Variants in DYTN observed in about 807,000 individuals in gnomAD.
The protein encoded by DYTN is dystrotelin.
A neutral mutation model predicts 69.6 loss-of-function variants in DYTN; 75 were observed. The observed-to-expected ratio is 1.08, with a 90% CI of 0.89 to 1.31. The LOEUF (loss-of-function observed/expected upper bound fraction) is 1.31. Among genes scored for constraint, DYTN ranks in the 50% most tolerant of loss-of-function variants. The pLI, the probability that DYTN is intolerant of heterozygous loss-of-function variation, is 0.00. For missense variants in DYTN, 726 were observed against 688.4 expected (o/e 1.05, Z -0.61); for synonymous variants, 252 against 249.1 (o/e 1.01, Z -0.11).
chr2:206,687,717 A>C (rs1473272764), intron 9 of DYTN, among the ~76,000 whole-genome samples: 1 of 152,082 alleles, frequency 6.6e-6, no homozygotes, highest in Non-Finnish European at 1.5e-5. Flanking sequence ...TTCCTTTCAG[A>C]TGGATAGCCA....
chr2:206,715,366 G>T (rs1700116832), intron 1 of DYTN, among the ~76,000 whole-genome samples: 2 of 152,086 alleles, frequency 1.3e-5, no homozygotes, highest in Non-Finnish European at 2.9e-5. Context: ...GATGACTTAG[G>T]GACGGCAGCT....
At chr2:206,703,100 C>T (rs1439853994) in intron 5 of DYTN, among the ~76,000 whole-genome samples, 4 of 152,030 alleles carry the variant, frequency 2.6e-5, no homozygotes, top group Admixed American at 1.3e-4. Context: ...GCCTGGGGTG[C>T]GGGTAGGGGC....
intron 1 of DYTN, among the ~76,000 whole-genome samples, chr2:206,714,472 G>T (rs1167046673): frequency 6.6e-6 from 1 of 152,230 alleles, no homozygotes; most frequent in Non-Finnish European, 1.5e-5. Flanking sequence ...AAAGTGCTGG[G>T]ATTACAGGCG....
intron 9 of DYTN, among the ~76,000 whole-genome samples, chr2:206,672,566 T>A (rs1699641266): frequency 6.6e-6 from 1 of 152,154 alleles, no homozygotes; most frequent in East Asian, 1.9e-4. Context: ...AGCTGATGAG[T>A]AAAATGCAGA....
intron 9 of DYTN, among the ~76,000 whole-genome samples, chr2:206,666,860 TACACAC>T (rs35200393): frequency 0.17 from 23,700 of 137,376 alleles, 2,506 homozygotes; most frequent in African/African-American, 0.31. Flanking sequence ...ACCTCATCTC[TACACAC>T]ACACACACAC....
intron 9 of DYTN, among the ~76,000 whole-genome samples, chr2:206,692,392 A>G (rs569057946): frequency 3.2e-4 from 49 of 152,262 alleles, no homozygotes; most frequent in Non-Finnish European, 6.2e-4. Context: ...GTGATCAGGT[A>G]TGTGATGCAT....
At chr2:206,711,557 T>TC (rs1700078212) in intron 1 of DYTN, among the ~76,000 whole-genome samples, 1 of 151,948 alleles carries the variant, frequency 6.6e-6, no homozygotes, top group South Asian at 2.1e-4. Context: ...CCTTTCTTTT[T>TC]TTTGTTGTTG....
At chr2:206,717,595 A>G (rs545572072) in intron 1 of DYTN, among the ~76,000 whole-genome samples, 1 of 152,358 alleles carries the variant, frequency 6.6e-6, no homozygotes, top group South Asian at 2.1e-4. Flanking sequence ...TTAATATGAG[A>G]GCCCAAATTT....
In DYTN at chr2:206,706,246, C is replaced by T. The variant is rs187893035; in HGVS notation, c.297-373G>A. Among the ~76,000 whole-genome samples the T allele has an allele frequency of 5.3e-5, 8 of 151,834 alleles. No individual in the cohort carries two copies. The East Asian group carries it at 1.6e-3, about 29-fold the overall frequency. On this transcript the variant is annotated intron_variant, in intron 3 of 11. Coordinates refer to ENST00000452335, the MANE Select transcript of DYTN (RefSeq NM_001093730.1). The stretch of plus-strand genomic sequence containing the variant: ...AGATAAGGAAGGACCAAAAGGCAGG[C>T]ACAGGAACAAATATTTATGCAAAGA...
chr2:206,666,970 A>G (rs992180483), intron 9 of DYTN, among the ~76,000 whole-genome samples: 3 of 152,138 alleles, frequency 2.0e-5, no homozygotes, highest in Non-Finnish European at 4.4e-5. Flanking sequence ...ACTTGAGCCC[A>G]GGAGTTAGAG....
chr2:206,694,572 A>T (rs78031420), intron 8 of DYTN, among the ~76,000 whole-genome samples, 194 bp downstream of exon 8: 3,014 of 152,294 alleles, frequency 0.02, 73 homozygotes, highest in Non-Finnish European at 0.025. Context: ...ACTTCCACTG[A>T]GACATACAAT....
At chr2:206,699,941 T>C (rs575063656) in intron 6 of DYTN, 51 bp from the exon 7 acceptor site, 7 of 1,578,422 alleles carry the variant, frequency 4.4e-6, no homozygotes, top group Non-Finnish European at 6.0e-6. Context: ...ACTTGATATT[T>C]TCATTTTCTT....
At chr2:206,717,244 C>T (rs1037132878) in intron 1 of DYTN, among the ~76,000 whole-genome samples, 4 of 152,174 alleles carry the variant, frequency 2.6e-5, no homozygotes, top group Admixed American at 2.6e-4. Flanking sequence ...TGTTTTTGCT[C>T]AGCTACATCA....
chr2:206,709,134 T>A (rs1700055078), intron 2 of DYTN, among the ~76,000 whole-genome samples: 1 of 152,108 alleles, frequency 6.6e-6, no homozygotes, highest in South Asian at 2.1e-4. Flanking sequence ...AATTTCTTCT[T>A]CAAAGGAACC....
intron 3 of DYTN, among the ~76,000 whole-genome samples, chr2:206,706,673 G>A (rs1000625766): frequency 1.1e-4 from 17 of 151,956 alleles, no homozygotes; most frequent in African/African-American, 3.6e-4. Flanking sequence ...TTATTCTAAA[G>A]GATGAATTCT....
intron 9 of DYTN, among the ~76,000 whole-genome samples, chr2:206,682,937 A>C (rs910140411): frequency 5.3e-5 from 8 of 152,164 alleles, no homozygotes; most frequent in Non-Finnish European, 1.2e-4. Context: ...TATAAGTTCT[A>C]TTAGCCCAAG....
intron 9 of DYTN, among the ~76,000 whole-genome samples, chr2:206,685,143 C>CTTATTTAT (rs10673463): frequency 0.036 from 5,292 of 145,736 alleles, 129 homozygotes; most frequent in Non-Finnish European, 0.049. Flanking sequence ...AGTAGCATGG[C>CTTATTTAT]TTATTTATTT....
At chr2:206,685,088 C>A (rs1463056735) in intron 9 of DYTN, among the ~76,000 whole-genome samples, 2 of 152,232 alleles carry the variant, frequency 1.3e-5, no homozygotes, top group Non-Finnish European at 2.9e-5. Flanking sequence ...CTTGCCCAGG[C>A]CTGCACAGAA....
At chr2:206,717,469 A>G (rs1700140729) in intron 1 of DYTN, among the ~76,000 whole-genome samples, 1 of 152,178 alleles carries the variant, frequency 6.6e-6, no homozygotes, top group Non-Finnish European at 1.5e-5. Context: ...CAGCATATTA[A>G]CAAACCTTTC....
Sources: gnomAD v4.1 joint callset for allele counts (sites outside exome capture counted in the v4.1 genomes callset) on GRCh38, gnomAD v4.1.1 for gene constraint, MANE v1.5 for transcripts, NCBI Gene and HGNC (gene_info 2026-07-23, HGNC 2026-07-21) for gene names.